GABRG3: variants seen among roughly 807,000 people sequenced by gnomAD.
GABRG3 encodes the protein gamma-aminobutyric acid type A receptor subunit gamma3, also known as gamma-aminobutyric acid receptor subunit gamma-3.
In GABRG3, 25 loss-of-function variants were observed where a neutral mutation model predicts 48.8. That is an observed-to-expected ratio of 0.51 (90% CI 0.37 to 0.72). The LOEUF is 0.72. Ranked by LOEUF, GABRG3 falls within the 30% of genes least tolerant of loss-of-function variation. The pLI, the probability that GABRG3 is intolerant of heterozygous loss-of-function variation, is 0.00. For missense variants in GABRG3, 394 were observed against 577.9 expected, an observed-to-expected ratio of 0.68 and a Z score of 3.26; for synonymous variants, 227 against 217.6, an observed-to-expected ratio of 1.04 and a Z score of -0.38.
intron 3 of GABRG3, among the ~76,000 whole-genome samples, chr15:27,264,805 C>G (rs905713533): frequency 2.0e-5 from 3 of 151,968 alleles, no homozygotes; most frequent in African/African-American, 7.3e-5. Flanking sequence ...TCTTTTATAC[C>G]TTTTATATCG....
chr15:27,077,986 G>A (rs920943668), intron 3 of GABRG3, among the ~76,000 whole-genome samples: 1 of 152,168 alleles, frequency 6.6e-6, no homozygotes, highest in African/African-American at 2.4e-5. Flanking sequence ...TGAAATATGT[G>A]CCATGTTTCT....
Position 27,319,318 on chromosome 15 carries a change from G to A in GABRG3, c.271-7491G>A, listed in dbSNP as rs866237906. ...TGGCTCTTCTTAGTTCCTATCTGTA[G>A]AATGGGGATATTCATATTGTTGTGA... On this transcript the variant is annotated intron_variant, in intron 3 of 9. Coordinates refer to ENST00000615808, the MANE Select transcript of GABRG3 (RefSeq NM_033223.5). This position sits in a 1 kb window ranked among gnomAD's most constrained non-coding sequence, Gnocchi z 4.4. 1.4e-4 allele frequency among the ~76,000 whole-genome samples: 22 copies of A among 152,302 alleles called. No homozygotes were observed. Among genetic ancestry groups the A allele is most frequent in the Middle Eastern group, 3.4e-3 (1 of 294 alleles).
chr15:27,500,732 G>A (rs1890602674), intron 6 of GABRG3, among the ~76,000 whole-genome samples: 1 of 152,060 alleles, frequency 6.6e-6, no homozygotes, highest in Non-Finnish European at 1.5e-5. Flanking sequence ...TCAGTTAAGT[G>A]AGTGCAAACT....
chr15:27,182,886 C>T (rs568044803), intron 3 of GABRG3, among the ~76,000 whole-genome samples: 14 of 152,274 alleles, frequency 9.2e-5, no homozygotes, highest in East Asian at 5.8e-4. Context: ...CCAGTGTTTA[C>T]GGGAAACCTG....
chr15:27,518,357 G>C (rs1175329636), intron 6 of GABRG3, among the ~76,000 whole-genome samples: 1 of 122,210 alleles, frequency 8.2e-6, no homozygotes, highest in African/African-American at 3.8e-5. Context: ...TGACAAGAGT[G>C]AAACTCTGTC....
chr15:27,051,198 C>T, intron 3 of GABRG3, among the ~76,000 whole-genome samples: 1 of 152,162 alleles, frequency 6.6e-6, no homozygotes, highest in East Asian at 1.9e-4. Context: ...GTTGACTCTC[C>T]TGTTTTCAGT....
chr15:27,306,950 T>TATAAACATGTTTATATATAAACATATAAA (rs1212370503), intron 3 of GABRG3, among the ~76,000 whole-genome samples: 17 of 124,238 alleles, frequency 1.4e-4, no homozygotes, highest in African/African-American at 4.6e-4. Flanking sequence ...ACATATATAA[T>TATAAACATGTTTATATATAAACATATAAA]ATAAACATGT....
At chr15:27,487,015 C>T (rs1484838288) in intron 6 of GABRG3, among the ~76,000 whole-genome samples, 1 of 152,028 alleles carries the variant, frequency 6.6e-6, no homozygotes, top group Non-Finnish European at 1.5e-5. Context: ...GGCTTTTTGT[C>T]ATATTTTTCT....
At chr15:27,091,686 C>G (rs1165654567) in intron 3 of GABRG3, among the ~76,000 whole-genome samples, 3 of 152,194 alleles carry the variant, frequency 2.0e-5, no homozygotes, top group Non-Finnish European at 4.4e-5. Context: ...TGAGTCACTT[C>G]CCTGCATATG....
chr15:27,138,574 C>A (rs913476635), intron 3 of GABRG3, among the ~76,000 whole-genome samples: 1 of 152,208 alleles, frequency 6.6e-6, no homozygotes, highest in Non-Finnish European at 1.5e-5. Context: ...CTCTTTTAAG[C>A]CTGTCCTGCT....
intron 5 of GABRG3, among the ~76,000 whole-genome samples, chr15:27,418,401 T>G (rs1456513449): frequency 6.6e-6 from 1 of 152,204 alleles, no homozygotes; most frequent in African/African-American, 2.4e-5. Flanking sequence ...AGACTCTTCC[T>G]TGACCCCTTT....
chr15:27,001,947 G>A (rs1288685103), intron 2 of GABRG3, among the ~76,000 whole-genome samples: 2 of 148,660 alleles, frequency 1.3e-5, no homozygotes, highest in Non-Finnish European at 3.0e-5. Flanking sequence ...GATTGTTTGG[G>A]TATTATGATG....
chr15:27,467,153 C>T (rs1326726253), intron 5 of GABRG3, among the ~76,000 whole-genome samples: 2 of 152,086 alleles, frequency 1.3e-5, no homozygotes, highest in Non-Finnish European at 2.9e-5. Context: ...TGGTGAGGGC[C>T]CTCTTCCTGG....
intron 3 of GABRG3, among the ~76,000 whole-genome samples, chr15:27,217,161 T>C (rs2140438466): frequency 6.6e-6 from 1 of 152,222 alleles, no homozygotes; most frequent in Middle Eastern, 3.4e-3. Flanking sequence ...CCACATTTTC[T>C]TAATCCAGTC....
intron 5 of GABRG3, among the ~76,000 whole-genome samples, chr15:27,344,216 T>C (rs1894287659): frequency 1.3e-5 from 2 of 152,216 alleles, no homozygotes; most frequent in South Asian, 2.1e-4. Flanking sequence ...GACCCCACAC[T>C]CTTTCTTGTA....
intron 3 of GABRG3, among the ~76,000 whole-genome samples, chr15:27,297,270 T>TAA (rs981187523): frequency 2.0e-4 from 31 of 152,254 alleles, no homozygotes; most frequent in African/African-American, 7.2e-4. Flanking sequence ...ATTGAATAAA[T>TAA]AAAAATATAT....
At chr15:27,053,702 G>A (rs559882521) in intron 3 of GABRG3, among the ~76,000 whole-genome samples, 1 of 152,262 alleles carries the variant, frequency 6.6e-6, no homozygotes, top group East Asian at 1.9e-4. Context: ...ATTCACAATA[G>A]CAAAGACATG....
intron 5 of GABRG3, among the ~76,000 whole-genome samples, chr15:27,398,517 A>C (rs577756922): frequency 6.6e-6 from 1 of 152,306 alleles, no homozygotes; most frequent in African/African-American, 2.4e-5. Context: ...ATATATACCT[A>C]TCTTGTTTTT....
chr15:27,480,290 T>G (rs1890066787), intron 5 of GABRG3, among the ~76,000 whole-genome samples: 1 of 152,134 alleles, frequency 6.6e-6, no homozygotes, highest in South Asian at 2.1e-4. Context: ...TGTAGTTAGA[T>G]CTGCATGGCG....
Sources: allele counts gnomAD v4.1 joint callset (sites outside exome capture counted in the v4.1 genomes callset), GRCh38; gene constraint gnomAD v4.1.1; non-coding constraint Gnocchi (gnomAD v3.1); transcripts MANE v1.5; gene names NCBI Gene and HGNC (gene_info 2026-07-23, HGNC 2026-07-21).